PAK2: variants seen among roughly 807,000 people sequenced by gnomAD.
PAK2 encodes the protein serine/threonine-protein kinase PAK 2.
In PAK2, 21 loss-of-function variants were observed where a neutral mutation model predicts 65.9. The observed-to-expected ratio is 0.32, with a 90% CI of 0.23 to 0.46. PAK2 has a LOEUF of 0.46. Ranked by LOEUF, PAK2 falls within the 20% of genes least tolerant of loss-of-function variation. PAK2 has a pLI of 1.00. For missense variants in PAK2, 324 were observed against 642.6 expected, an observed-to-expected ratio of 0.50 and a Z score of 5.36; for synonymous variants, 204 against 219.7, an observed-to-expected ratio of 0.93 and a Z score of 0.63.
chr3:196,821,319 T>C (rs923041846), intron 13 of PAK2, among the ~76,000 whole-genome samples: 3 of 151,402 alleles, frequency 2.0e-5, no homozygotes, highest in Admixed American at 6.6e-5. Flanking sequence ...AGGGTGAGAC[T>C]CTGTCTCAGC....
intron 1 of PAK2, among the ~76,000 whole-genome samples, chr3:196,751,314 T>C (rs1017833135): frequency 2.6e-5 from 4 of 152,068 alleles, no homozygotes; most frequent in South Asian, 4.1e-4. Flanking sequence ...AAATTCCATA[T>C]GTAAGTACTT....
At position 196,829,688 on chromosome 3, in the gene PAK2, CAG is replaced by C. The variant is rs1203150316; in HGVS notation, c.*1286_*1287del. ...GTATTATCTATGAGAACTTGAGCGA[CAG>C]AGTATTTCTTGATGAATTTATAGAT... On this transcript the variant is annotated 3_prime_UTR_variant, in exon 15 of 15. Transcript: ENST00000327134. 6.6e-6 allele frequency: 1 copy of C among 152,166 alleles called. No individual in the cohort carries two copies. The highest frequency in any genetic ancestry group is 1.5e-5 in the Non-Finnish European group (1 of 68,048). 9.4% of individuals were successfully genotyped at this position (152,166 alleles called of 1,614,324 possible).
chr3:196,803,275 GT>G, intron 4 of PAK2, 111 bp downstream of exon 4: 1 of 853,680 alleles, frequency 1.2e-6, no homozygotes, highest in Non-Finnish European at 1.8e-6. Context: ...GTTGATAACG[GT>G]TTTTCCCTGG....
intron 1 of PAK2, among the ~76,000 whole-genome samples, chr3:196,740,853 C>T (rs1413840106): frequency 6.8e-6 from 1 of 147,706 alleles, no homozygotes; most frequent in Non-Finnish European, 1.5e-5. Context: ...CTCTTGGAAA[C>T]ACACGCACGC....
intron 12 of PAK2, 104 bp downstream of exon 12, chr3:196,818,260 A>G: frequency 3.4e-6 from 2 of 583,068 alleles, no homozygotes; most frequent in Non-Finnish European, 6.2e-6. Context: ...ATGATTTAAT[A>G]TAGGAAGAGG....
intron 2 of PAK2, among the ~76,000 whole-genome samples, chr3:196,800,799 A>G (rs909318559): frequency 2.0e-5 from 3 of 152,208 alleles, no homozygotes; most frequent in African/African-American, 7.2e-5. Context: ...TTATATATAT[A>G]TAAAATTAGT....
intron 1 of PAK2, among the ~76,000 whole-genome samples, chr3:196,756,800 C>T (rs1469127893): frequency 1.3e-5 from 2 of 152,202 alleles, no homozygotes; most frequent in Non-Finnish European, 2.9e-5. Context: ...TGTGCCACTG[C>T]ACTCTAGCCT....
At chr3:196,809,764 T>C (rs1418502545) in intron 7 of PAK2, among the ~76,000 whole-genome samples, 1 of 152,124 alleles carries the variant, frequency 6.6e-6, no homozygotes, top group Admixed American at 6.6e-5. Flanking sequence ...CCTCTTATTA[T>C]TGATCCTGTT....
At chr3:196,762,633 G>A (rs1460172922) in intron 1 of PAK2, among the ~76,000 whole-genome samples, 2 of 151,746 alleles carry the variant, frequency 1.3e-5, no homozygotes, top group African/African-American at 4.8e-5. Flanking sequence ...TGAGATGGCA[G>A]CAGTACAGTC....
chr3:196,756,728 C>T lies in PAK2; in HGVS notation c.-22+16571C>T, dbSNP rs1037484875. ...GCACGCGCCTGTAGTCCCAGCTACT[C>T]GGGAGGCTGAGGCAGAAGAATCGCT... On this transcript the variant is annotated intron_variant, in intron 1 of 14. Transcript: ENST00000327134. Among the ~76,000 whole-genome samples the T allele has an allele frequency of 2.1e-4, 32 of 152,156 alleles. 1 individual carries two copies. Among genetic ancestry groups the T allele is most frequent in the Admixed American group, 1.1e-3 (17 of 15,288 alleles).
chr3:196,755,545 A>G (rs771739994), intron 1 of PAK2, among the ~76,000 whole-genome samples: 1 of 146,810 alleles, frequency 6.8e-6, no homozygotes, highest in Non-Finnish European at 1.5e-5. Flanking sequence ...TGTAACCTCT[A>G]CTTCCCGGGT....
chr3:196,799,683 C>T (rs1459338405), intron 2 of PAK2, among the ~76,000 whole-genome samples: 2 of 152,196 alleles, frequency 1.3e-5, no homozygotes, highest in Non-Finnish European at 2.9e-5. Context: ...GAGGCAGTCT[C>T]ACGCTGTGAC....
intron 1 of PAK2, among the ~76,000 whole-genome samples, chr3:196,769,810 C>A (rs1714304555): frequency 6.6e-6 from 1 of 151,792 alleles, no homozygotes; most frequent in Non-Finnish European, 1.5e-5. Context: ...GAGCGAGACT[C>A]TGTCTCAAAA....
At chr3:196,802,140 T>C in intron 3 of PAK2, 113 bp downstream of exon 3, 1 of 690,324 alleles carries the variant, frequency 1.4e-6, no homozygotes, top group Non-Finnish European at 2.6e-6. Context: ...GGCACACGCC[T>C]GTAATCCCAG....
chr3:196,831,228 T>A lies in PAK2; in HGVS notation c.*2823T>A, dbSNP rs1208135406. 6.6e-6 allele frequency: 1 copy of A among 152,190 alleles called. No individual in the cohort carries two copies. Among genetic ancestry groups the A allele is most frequent in the Admixed American group, 6.5e-5 (1 of 15,276 alleles). The allele number at this position is 152,190 out of a possible 1,614,324, so 9.4% of individuals were successfully genotyped here. On this transcript the variant is annotated 3_prime_UTR_variant, in exon 15 of 15. Transcript: ENST00000327134. ...AATTGCCTTTTATATTTACCCTTTT[T>A]GTCATCACTTTAGAATGAAAATTCC...
At chr3:196,760,184 A>G (rs1713913714) in intron 1 of PAK2, among the ~76,000 whole-genome samples, 1 of 152,108 alleles carries the variant, frequency 6.6e-6, no homozygotes, top group Non-Finnish European at 1.5e-5. Context: ...CCTGGGCTCA[A>G]GTGATCCTCC....
intron 2 of PAK2, among the ~76,000 whole-genome samples, chr3:196,794,217 G>A (rs1715170608): frequency 6.6e-6 from 1 of 152,140 alleles, no homozygotes; most frequent in African/African-American, 2.4e-5. Flanking sequence ...ACAGTTAAAA[G>A]ATCTGACTAA....
chr3:196,775,103 T>C (rs931075949), intron 1 of PAK2, among the ~76,000 whole-genome samples: 5 of 152,190 alleles, frequency 3.3e-5, no homozygotes, highest in Non-Finnish European at 7.3e-5. Flanking sequence ...TATATTAGAA[T>C]TGTGGCGGCA....
rs1296066257 is a variant in PAK2, at chr3:196,740,159, T to G, written c.-22+2T>G. ...GGCGGGGACCTTGCCTTGCCCGGGG[T>G]AAGTGCACACAGGCCGGCCGGCGCG... On this transcript the variant is annotated splice_donor_variant, in intron 1 of 14. Coordinates refer to ENST00000327134, the MANE Select transcript of PAK2 (RefSeq NM_002577.4). LOFTEE classifies it low-confidence loss of function (5UTR_SPLICE). 1 of 150,284 alleles carries G rather than the reference T, an allele frequency of 6.7e-6. No homozygotes were observed. Among genetic ancestry groups the G allele is most frequent in the African/African-American group, 2.4e-5 (1 of 40,824 alleles). The allele number at this position is 150,284 out of a possible 1,614,324, so 9.3% of individuals were successfully genotyped here. A position where few individuals can be genotyped will look rare whatever the true frequency, so the allele number is the denominator to read the frequency against.
Sources: allele counts gnomAD v4.1 joint callset (sites outside exome capture counted in the v4.1 genomes callset), GRCh38; gene constraint gnomAD v4.1.1; transcripts MANE v1.5; gene names NCBI Gene and HGNC (gene_info 2026-07-23, HGNC 2026-07-21).